PTPRG: variants seen among roughly 807,000 people sequenced by gnomAD.
PTPRG encodes receptor-type tyrosine-protein phosphatase gamma.
A neutral mutation model predicts 165.3 loss-of-function variants in PTPRG; 102 were observed. The ratio of observed to expected loss-of-function variants is 0.62; its 90% CI spans 0.53 to 0.73. PTPRG has a LOEUF of 0.73. PTPRG is among the 30% of genes least tolerant of loss of function. PTPRG has a pLI of 0.00. For missense variants in PTPRG, 1,866 were observed against 1,861.4 expected, an observed-to-expected ratio of 1.00 and a Z score of -0.05; for synonymous variants, 675 against 669.5, an observed-to-expected ratio of 1.01 and a Z score of -0.13.
intron 4 of PTPRG, among the ~76,000 whole-genome samples, chr3:62,010,370 T>TTGTGTGTGTGTGTGTGTGTGTGTGTG (rs35894531): frequency 6.7e-6 from 1 of 149,464 alleles, no homozygotes; most frequent in South Asian, 2.1e-4. Flanking sequence ...CCCTCTCTTC[T>TTGTGTGTGTGTGTGTGTGTGTGTGTG]TGTGTGTGTG....
intron 1 of PTPRG, chr3:61,659,377 C>G (rs1442338932): frequency 5.1e-6 from 5 of 984,826 alleles, no homozygotes; most frequent in East Asian, 2.3e-4. Flanking sequence ...TGACTGCATT[C>G]TGCTTCACTG....
intron 1 of PTPRG, among the ~76,000 whole-genome samples, chr3:61,672,464 T>A (rs1703040118): frequency 1.4e-5 from 2 of 143,344 alleles, no homozygotes; most frequent in African/African-American, 5.2e-5. Flanking sequence ...CCGTCTGCAA[T>A]CCCGGCACCT....
chr3:61,920,849 G>C (rs940037554), intron 2 of PTPRG, among the ~76,000 whole-genome samples: 5 of 152,116 alleles, frequency 3.3e-5, no homozygotes, highest in African/African-American at 1.2e-4. Context: ...GTTCATTAAA[G>C]AATTGGAAAT....
At chr3:61,663,019 C>T (rs2107033119) in intron 1 of PTPRG, among the ~76,000 whole-genome samples, 1 of 152,226 alleles carries the variant, frequency 6.6e-6, no homozygotes, top group East Asian at 1.9e-4. Flanking sequence ...TATGGTGGCT[C>T]ACACCTGTAA....
chr3:62,014,827 C>T (rs1008984194), intron 4 of PTPRG, among the ~76,000 whole-genome samples: 2 of 152,144 alleles, frequency 1.3e-5, no homozygotes, highest in Non-Finnish European at 2.9e-5. Flanking sequence ...CAGCACCCAT[C>T]GAAAAAGATG....
chr3:61,564,953 C>T (rs1699871304), intron 1 of PTPRG, among the ~76,000 whole-genome samples: 1 of 152,262 alleles, frequency 6.6e-6, no homozygotes, highest in African/African-American at 2.4e-5. Context: ...CTGCTATGAC[C>T]TCGAAAGCGC....
At chr3:61,929,785 A>G (rs904066560) in intron 2 of PTPRG, among the ~76,000 whole-genome samples, 1 of 152,210 alleles carries the variant, frequency 6.6e-6, no homozygotes, top group African/African-American at 2.4e-5. Flanking sequence ...GGTTCTTTCT[A>G]ACGTGTCAGC....
chr3:61,968,002 G>T (rs2040306713), intron 2 of PTPRG, among the ~76,000 whole-genome samples: 1 of 152,080 alleles, frequency 6.6e-6, no homozygotes, highest in African/African-American at 2.4e-5. Context: ...TAAAGGAGGG[G>T]AATATGGATG....
chr3:62,230,051 T>C lies in PTPRG; in HGVS notation c.2289-1174T>C, dbSNP rs566505010. On this transcript the variant is annotated intron_variant, in intron 13 of 29. Transcript: ENST00000474889. Reference sequence around the variant, plus strand: ...GCCACACTGAGTATATCCATGATGTTTGTAGGACAGTTGTTGTAGTTCCAG... The same window carrying C: ...GCCACACTGAGTATATCCATGATGTCTGTAGGACAGTTGTTGTAGTTCCAG... Among the ~76,000 whole-genome samples, 8 of 152,364 alleles carry C rather than the reference T, an allele frequency of 5.3e-5. No homozygotes were observed. In the East Asian group the frequency reaches 1.5e-3, roughly 29 times the overall value.
At chr3:61,731,599 G>T (rs1026998912) in intron 1 of PTPRG, among the ~76,000 whole-genome samples, 31 of 151,798 alleles carry the variant, frequency 2.0e-4, no homozygotes, top group Non-Finnish European at 4.4e-5. Flanking sequence ...TGCCCACCTC[G>T]GCCTCCCAAA....
chr3:61,665,940 A>G (rs1273754212), intron 1 of PTPRG, among the ~76,000 whole-genome samples: 1 of 151,616 alleles, frequency 6.6e-6, no homozygotes. Flanking sequence ...AATTAGACTT[A>G]TATTGGAAAG....
intron 1 of PTPRG, among the ~76,000 whole-genome samples, chr3:61,589,342 T>A (rs1388622298): frequency 6.6e-6 from 1 of 152,160 alleles, no homozygotes; most frequent in African/African-American, 2.4e-5. Flanking sequence ...AAGGAAACTA[T>A]CACTTGTTGA....
chr3:62,264,344 C>T (rs937276292), intron 17 of PTPRG, among the ~76,000 whole-genome samples: 1 of 151,844 alleles, frequency 6.6e-6, no homozygotes, highest in Admixed American at 6.6e-5. Flanking sequence ...GGGTATACAA[C>T]TCTGGGGTTT....
chr3:61,800,658 CTG>C (rs1332236401), intron 2 of PTPRG, among the ~76,000 whole-genome samples: 5 of 145,352 alleles, frequency 3.4e-5, no homozygotes, highest in Admixed American at 6.9e-5. Flanking sequence ...GCACGGTACT[CTG>C]TTTTTTTTTT....
At chr3:61,873,553 C>G (rs572924243) in intron 2 of PTPRG, among the ~76,000 whole-genome samples, 1 of 151,888 alleles carries the variant, frequency 6.6e-6, no homozygotes, top group Non-Finnish European at 1.5e-5. Flanking sequence ...AGATAGCTGT[C>G]GGAAAAGAAA....
At chr3:61,719,556 A>G (rs763164110) in intron 1 of PTPRG, among the ~76,000 whole-genome samples, 81 of 152,184 alleles carry the variant, frequency 5.3e-4, no homozygotes, top group Non-Finnish European at 1.0e-3. Flanking sequence ...TGGCAGAGAA[A>G]GGGAACAGGG....
At chr3:61,936,539 A>G (rs13068018) in intron 2 of PTPRG, among the ~76,000 whole-genome samples, 51,083 of 151,968 alleles carry the variant, frequency 0.34, 9,559 homozygotes, top group East Asian at 0.52. Context: ...CCCGCCCCCT[A>G]CTGGTCAAAA....
intron 26 of PTPRG, among the ~76,000 whole-genome samples, chr3:62,279,647 A>T (rs530010597): frequency 1.3e-5 from 2 of 152,102 alleles, no homozygotes; most frequent in African/African-American, 2.4e-5. Flanking sequence ...CGACAGTTAC[A>T]GACTTCTTTT....
Position 62,217,719 on chromosome 3 carries a change from C to T in PTPRG, c.2156-1132C>T, listed in dbSNP as rs1241772277. On this transcript the variant is annotated intron_variant, in intron 12 of 29. Transcript: ENST00000474889. This position sits in a 1 kb window ranked among gnomAD's most constrained non-coding sequence, Gnocchi z 4.3. Reference sequence around the variant, plus strand: ...TCTGTGCACCTGTGCTCTTCCCAGCCCCAGCACCCCAACCAGGGCTTCATT... The same window carrying T: ...TCTGTGCACCTGTGCTCTTCCCAGCTCCAGCACCCCAACCAGGGCTTCATT... The T allele has an allele frequency of 6.6e-6, 1 of 152,452 alleles. No homozygotes were observed. Among genetic ancestry groups the T allele is most frequent in the African/African-American group, 2.4e-5 (1 of 41,434 alleles). 9.4% of individuals were successfully genotyped at this position (152,452 alleles called of 1,614,324 possible).
Sources: allele counts gnomAD v4.1 joint callset (sites outside exome capture counted in the v4.1 genomes callset), GRCh38; gene constraint gnomAD v4.1.1; non-coding constraint Gnocchi (gnomAD v3.1); transcripts MANE v1.5; gene names NCBI Gene and HGNC (gene_info 2026-07-23, HGNC 2026-07-21).